GCN1: variants seen among roughly 807,000 people sequenced by gnomAD.
GCN1 encodes the protein GCN1 activator of EIF2AK4, also known as stalled ribosome sensor GCN1.
In GCN1, 90 loss-of-function variants were observed where a neutral mutation model predicts 288.4. That is an observed-to-expected ratio of 0.31 (90% CI 0.26 to 0.37). GCN1 has a LOEUF of 0.37. Among genes scored for constraint, GCN1 ranks in the 10% least tolerant of loss-of-function variants. The pLI is 1.00. For missense variants in GCN1, 2,586 were observed against 3,419.9 expected (o/e 0.76, Z 6.08); for synonymous variants, 1,386 against 1,420.2 (o/e 0.98, Z 0.54).
Position 120,136,537 on chromosome 12 carries a change from C to A in GCN1, c.6973G>T (p.Ala2325Ser), listed in dbSNP as rs1193615244. 2 of 1,614,032 alleles carry A rather than the reference C, an allele frequency of 1.2e-6. No homozygotes were observed. Among genetic ancestry groups the A allele is most frequent in the South Asian group, 1.1e-5 (1 of 91,094 alleles). ...GDRFSWNVKAALLETLSLLLA... is the reference protein window; with the variant it reads ...GDRFSWNVKASLLETLSLLLA... Reference sequence around the variant, plus strand: ...AAGAGGCTGAGTGTCTCGAGCAGAGCCGCCTTCACATTCCAGCTGAACCTG... The same window carrying A: ...AAGAGGCTGAGTGTCTCGAGCAGAGACGCCTTCACATTCCAGCTGAACCTG... Residue 2325 changes from alanine (A) to serine (S), a missense_variant, in exon 51 of 58, where the codon GCT becomes TCT. Coordinates refer to ENST00000300648, the MANE Select transcript of GCN1 (RefSeq NM_006836.2).
Position 120,136,562 on chromosome 12 carries a change from G to A in GCN1, c.6948C>T (p.Asp2316=), listed in dbSNP as rs373263484. ...ITGPLIRILG[D]RFSWNVKAAL... is the part of the protein sequence containing the mutation. ...CCGCCTTCACATTCCAGCTGAACCT[G>A]TCCCCCAGGATGCGGATCAGAGGGC... Residue 2316 remains aspartate, a synonymous_variant, in exon 51 of 58, where the codon GAC becomes GAT. Coordinates refer to ENST00000300648, the MANE Select transcript of GCN1 (RefSeq NM_006836.2). The A allele has an allele frequency of 2.5e-6, 4 of 1,614,058 alleles. No homozygotes were observed. The African/African-American group carries it at 5.3e-5, about 22-fold the overall frequency.
chr12:120,146,315 T>C (rs1484574915), intron 38 of GCN1, among the ~76,000 whole-genome samples: 1 of 151,430 alleles, frequency 6.6e-6, no homozygotes, highest in South Asian at 2.1e-4. Flanking sequence ...GGTGGGGAAC[T>C]GTAGATAAAA....
chr12:120,192,647 G>A (rs562555855), intron 1 of GCN1, among the ~76,000 whole-genome samples: 4 of 151,628 alleles, frequency 2.6e-5, no homozygotes, highest in Non-Finnish European at 4.4e-5. Flanking sequence ...CAGAAGAATC[G>A]CTTGAACCCG....
At chr12:120,168,040 T>C (rs1345004389) in intron 16 of GCN1, among the ~76,000 whole-genome samples, 168 bp downstream of exon 16, 1 of 152,114 alleles carries the variant, frequency 6.6e-6, no homozygotes, top group East Asian at 1.9e-4. Context: ...TAACCTTATG[T>C]TCCCTACAGG....
rs762544994 is a variant in GCN1, at chr12:120,175,807, G to C, written c.981C>G (p.Arg327=). The stretch of plus-strand genomic sequence containing the variant: ...CCATGGCCGAAGAGTCACTGCACTG[G>C]CGTGCCAGGTTCCGCAGTGCCAGCA... ...EAVLALRNLA[R]QCSDSSAMES... is the part of the protein sequence containing the mutation. The change falls in exon 11 of 58, where the codon CGC becomes CGG. Residue 327 remains arginine, a synonymous_variant. Transcript: ENST00000300648. The C allele has an allele frequency of 3.2e-5, 51 of 1,613,184 alleles. No homozygotes were observed. Among genetic ancestry groups the C allele is most frequent in the Non-Finnish European group, 4.1e-5 (48 of 1,179,688 alleles).
intron 10 of GCN1, 95 bp from the exon 11 acceptor site, chr12:120,175,969 G>C (rs1373569581): frequency 6.8e-7 from 1 of 1,471,276 alleles, no homozygotes. Flanking sequence ...TTCAGTATTA[G>C]CTGTTTGCTC....
chr12:120,176,029 G>A, intron 10 of GCN1, 114 bp downstream of exon 10: 2 of 1,274,492 alleles, frequency 1.6e-6, no homozygotes, highest in Non-Finnish European at 2.3e-6. Flanking sequence ...TGTAGTTTAG[G>A]TTAGGGCCTT....
At chr12:120,141,573 A>T (rs1877197590) in intron 44 of GCN1, among the ~76,000 whole-genome samples, 1 of 152,130 alleles carries the variant, frequency 6.6e-6, no homozygotes, top group African/African-American at 2.4e-5. Context: ...CGCCAGCCTG[A>T]TCTCATGCCG....
Position 120,194,704 on chromosome 12 carries a change from G to C in GCN1, c.-7C>G. The C allele has an allele frequency of 6.6e-7, 1 of 1,510,130 alleles. No homozygotes were observed. Among genetic ancestry groups the C allele is most frequent in the Non-Finnish European group, 8.8e-7 (1 of 1,136,196 alleles). 93.5% of individuals were successfully genotyped at this position (1,510,130 alleles called of 1,614,324 possible). On this transcript the variant is annotated 5_prime_UTR_variant, in exon 1 of 58. Coordinates refer to ENST00000300648, the MANE Select transcript of GCN1 (RefSeq NM_006836.2). ...CCTGCGTGTCCGCCGCCATCCTGCC[G>C]GGGCTGACTCCGGAACCGCTTCCGG... is the stretch of plus-strand genomic sequence containing the variant.
At chr12:120,159,337 C>T in intron 24 of GCN1, among the ~76,000 whole-genome samples, 2 of 152,166 alleles carry the variant, frequency 1.3e-5, no homozygotes, top group South Asian at 2.1e-4. Flanking sequence ...ACCGTTAGGC[C>T]AGGATAGAAG....
At chr12:120,170,131 C>T in intron 15 of GCN1, 38 bp downstream of exon 15, 1 of 1,589,162 alleles carries the variant, frequency 6.3e-7, no homozygotes, top group Non-Finnish European at 8.6e-7. Context: ...TGTCAGAGGC[C>T]CCTGTCTCTA....
chr12:120,193,964 A>G (rs963717380), intron 1 of GCN1, among the ~76,000 whole-genome samples: 7 of 152,350 alleles, frequency 4.6e-5, no homozygotes, highest in African/African-American at 7.2e-5. Context: ...ACCTTAAAAC[A>G]TAACAACTGG....
At chr12:120,180,683 C>G (rs1221123637) in intron 5 of GCN1, among the ~76,000 whole-genome samples, 3 of 151,602 alleles carry the variant, frequency 2.0e-5, no homozygotes, top group African/African-American at 7.3e-5. Context: ...TGAACTGCCA[C>G]CCTCAGAAAA....
rs759746863 is a variant in GCN1, at chr12:120,178,869, T to A, written c.508A>T (p.Thr170Ser). Residue 170 changes from threonine (T) to serine (S), a missense_variant, in exon 6 of 58, where the codon ACG becomes TCG. By Grantham distance (58) the Thr-to-Ser change is moderately conservative. Coordinates refer to ENST00000300648, the MANE Select transcript of GCN1 (RefSeq NM_006836.2). ...CCTGTCACCTCTTTCCACAGCTTCG[T>A]GAGTTTCTTCACAGCACCATCCACG... ...HAVDGAVKKL[T>S]KLWKENPGLV... The A allele has an allele frequency of 9.9e-6, 16 of 1,614,026 alleles. No homozygotes were observed. The highest frequency in any genetic ancestry group is 7.7e-5 in the South Asian group (7 of 91,076).
Position 120,158,481 on chromosome 12 carries a change from TG to T in GCN1, c.2883del (p.Ser961ArgfsTer20). 1 of 1,556,310 alleles carries T rather than the reference TG, an allele frequency of 6.4e-7. No individual in the cohort carries two copies. The highest frequency in any genetic ancestry group is 8.7e-7 in the Non-Finnish European group (1 of 1,149,600). On this transcript the variant is annotated frameshift_variant, in exon 25 of 58. Coordinates refer to ENST00000300648, the MANE Select transcript of GCN1 (RefSeq NM_006836.2). LOFTEE classifies it high-confidence loss of function. This position sits in a 1 kb window ranked among gnomAD's most constrained non-coding sequence, Gnocchi z 4.3. ...VMLLHTHTIT[S>X]RVGKGEPGAA... is the part of the protein sequence containing the mutation. The stretch of plus-strand genomic sequence containing the variant: ...TTACCTGGCTCCCCCTTGCCCACCC[TG>T]CTGGTGATGGTGTGGGTGTGCAGCA...
At chr12:120,184,748 C>G in intron 3 of GCN1, 76 bp downstream of exon 3, 3 of 1,088,076 alleles carry the variant, frequency 2.8e-6, no homozygotes, top group Non-Finnish European at 4.2e-6. Flanking sequence ...TGGCTCTAAT[C>G]TGGGCTCTAA....
At chr12:120,128,264 A>G (rs1876682177) in intron 57 of GCN1, among the ~76,000 whole-genome samples, 1 of 151,000 alleles carries the variant, frequency 6.6e-6, no homozygotes, top group Non-Finnish European at 1.5e-5. Context: ...TATTGGGATT[A>G]CAGGCATGAG....
rs754011485 is a variant in GCN1 at position 120,137,182 on chromosome 12, C to A, written c.6777+24G>T. On this transcript the variant is annotated intron_variant, in intron 50 of 57. Coordinates refer to ENST00000300648, the MANE Select transcript of GCN1 (RefSeq NM_006836.2). This position sits in a 1 kb window ranked among gnomAD's most constrained non-coding sequence, Gnocchi z 5.2. The stretch of plus-strand genomic sequence containing the variant: ...GCACAACAGACTGCACGCCCACAGC[C>A]CCCTGCACGAGGCCCTGGCTTACCT... 6.5e-7 allele frequency: 1 copy of A among 1,538,752 alleles called. No homozygotes were observed. Among genetic ancestry groups the A allele is most frequent in the Non-Finnish European group, 9.0e-7 (1 of 1,111,832 alleles).
At position 120,131,277 on chromosome 12, in the gene GCN1, C is replaced by A; in HGVS notation, c.7471G>T (p.Val2491Leu). 6.2e-7 allele frequency: 1 copy of A among 1,614,062 alleles called. No homozygotes were observed. The highest frequency in any genetic ancestry group is 8.5e-7 in the Non-Finnish European group (1 of 1,179,984). ...VRHGRSLALSVAVNVAPGRLC... is the reference protein window; with the variant it reads ...VRHGRSLALSLAVNVAPGRLC... Reference sequence around the variant, plus strand: ...CTGCCAGGAGCCACATTCACAGCCACGGAAAGTGCCAGGCTCCGCCCGTGC... The same window carrying A: ...CTGCCAGGAGCCACATTCACAGCCAAGGAAAGTGCCAGGCTCCGCCCGTGC... The change falls in exon 55 of 58, where the codon GTG becomes TTG. Residue 2491 changes from valine (V) to leucine (L), a missense_variant. This residue lies in a region of GCN1 where 355 missense variants were observed against 431.1 expected (regional missense o/e 0.82). Coordinates refer to ENST00000300648, the MANE Select transcript of GCN1 (RefSeq NM_006836.2).
Sources: gnomAD v4.1 joint callset for allele counts (sites outside exome capture counted in the v4.1 genomes callset) on GRCh38, gnomAD v4.1.1 for gene constraint, gnomAD v4.1.1 regional missense constraint, Gnocchi (gnomAD v3.1) non-coding constraint, MANE v1.5 for transcripts, NCBI Gene and HGNC (gene_info 2026-07-23, HGNC 2026-07-21) for gene names.